Variants in IPO11 observed in about 807,000 individuals in gnomAD.
IPO11 encodes the protein importin 11.
IPO11 carries 66 observed loss-of-function variants against 143.2 expected under a neutral mutation model. The ratio of observed to expected loss-of-function variants is 0.46; its 90% CI spans 0.38 to 0.57. The LOEUF is 0.57. IPO11 is among the 20% of genes least tolerant of loss of function. The pLI, the probability that IPO11 is intolerant of heterozygous loss-of-function variation, is 0.00. For synonymous variants in IPO11, 385 were observed against 377.8 expected (o/e 1.02, Z -0.22); for missense variants, 1,026 against 1,141.0 (o/e 0.90, Z 1.45).
At chr5:62,571,397 A>T (rs940755819) in intron 27 of IPO11, among the ~76,000 whole-genome samples, 1 of 152,328 alleles carries the variant, frequency 6.6e-6, no homozygotes, top group African/African-American at 2.4e-5. Context: ...GCTTATTATG[A>T]TAAATTGGAG....
intron 14 of IPO11, among the ~76,000 whole-genome samples, 196 bp downstream of exon 14, chr5:62,489,545 G>A (rs963908681): frequency 1.8e-4 from 27 of 152,172 alleles, no homozygotes; most frequent in Admixed American, 1.1e-3. Flanking sequence ...GCTAAAGTAG[G>A]TGATGATCAC....
chr5:62,524,709 A>G (rs1742313145), intron 20 of IPO11, among the ~76,000 whole-genome samples: 2 of 152,192 alleles, frequency 1.3e-5, no homozygotes, highest in Admixed American at 1.3e-4. Flanking sequence ...TATACAGTGC[A>G]GTGACTGTAG....
At chr5:62,464,143 GTTTTTTTTTTTTT>G (rs34056674) in intron 5 of IPO11, among the ~76,000 whole-genome samples, 2 of 78,682 alleles carry the variant, frequency 2.5e-5, no homozygotes, top group Admixed American at 3.3e-4. Flanking sequence ...GTTTTTGGTG[GTTTTTTTTTTTTT>G]TTTTTTTTTT....
chr5:62,511,565 C>T (rs1197751490), intron 19 of IPO11, among the ~76,000 whole-genome samples: 1 of 152,160 alleles, frequency 6.6e-6, no homozygotes, highest in African/African-American at 2.4e-5. Flanking sequence ...GCATTCCCCA[C>T]TAACACTTCA....
Position 62,537,227 on chromosome 5 carries a change from TG to T in IPO11, c.2189del (p.Cys730SerfsTer8), listed in dbSNP as rs1256158682. Reference protein sequence around the residue: ...EFLQTYAVGLCQSFCELLKEI... With the variant: ...EFLQTYAVGLXQSFCELLKEI... Reference sequence around the variant, plus strand: ...ATTTCAGACATACGCAGTAGGTCTATGCCAGTCCTTTTGTGAACTTTTAAAG... The same window carrying T: ...ATTTCAGACATACGCAGTAGGTCTATCCAGTCCTTTTGTGAACTTTTAAAG... On this transcript the variant is annotated frameshift_variant, in exon 24 of 30. Transcript: ENST00000325324. LOFTEE classifies it high-confidence loss of function. 1 of 1,605,340 alleles carries T rather than the reference TG, an allele frequency of 6.2e-7. No homozygotes were observed. The highest frequency in any genetic ancestry group is 1.3e-5 in the African/African-American group (1 of 74,736).
intron 16 of IPO11, among the ~76,000 whole-genome samples, chr5:62,502,557 C>T (rs1741381766): frequency 6.6e-6 from 1 of 152,164 alleles, no homozygotes. Context: ...TGCAGTCAAA[C>T]TGGAATGCAG....
chr5:62,449,257 A>T (rs1326593245), intron 3 of IPO11, among the ~76,000 whole-genome samples: 2 of 152,242 alleles, frequency 1.3e-5, no homozygotes, highest in African/African-American at 2.4e-5. Flanking sequence ...ATACAGTCTT[A>T]TACAGTAGTG....
At position 62,628,104 on chromosome 5, in the gene IPO11, C is replaced by T. The variant is rs1388922912; in HGVS notation, c.*786C>T. ...GTGAGCACCGAGAAGAACTGGGCGA[C>T]TCCCAGTCCCACCTGTGCTGTGACA... On this transcript the variant is annotated 3_prime_UTR_variant, in exon 30 of 30. Coordinates refer to ENST00000325324, the MANE Select transcript of IPO11 (RefSeq NM_016338.5). The T allele has an allele frequency of 2.6e-5, 4 of 152,028 alleles. No individual in the cohort carries two copies. The East Asian group carries it at 5.8e-4, about 22-fold the overall frequency. 9.4% of individuals were successfully genotyped at this position (152,028 alleles called of 1,614,324 possible). A position where few individuals can be genotyped will look rare whatever the true frequency, so the allele number is the denominator to read the frequency against.
intron 26 of IPO11, among the ~76,000 whole-genome samples, chr5:62,558,660 T>TA (rs769932697): frequency 1.3e-4 from 20 of 152,170 alleles, no homozygotes; most frequent in Non-Finnish European, 2.5e-4. Flanking sequence ...GTGTTTGAAA[T>TA]AAAAAACGCA....
intron 15 of IPO11, among the ~76,000 whole-genome samples, chr5:62,492,108 G>A (rs1746636203): frequency 6.6e-6 from 1 of 152,136 alleles, no homozygotes; most frequent in Admixed American, 6.5e-5. Flanking sequence ...TGACTTAGTA[G>A]GTCTGGGAAA....
At chr5:62,507,101 A>G (rs556823885) in intron 19 of IPO11, among the ~76,000 whole-genome samples, 1 of 152,322 alleles carries the variant, frequency 6.6e-6, no homozygotes, top group South Asian at 2.1e-4. Context: ...ATACTGACAT[A>G]TGTGCTACAT....
intron 29 of IPO11, among the ~76,000 whole-genome samples, chr5:62,619,987 A>G (rs765112461): frequency 6.6e-6 from 1 of 152,232 alleles, no homozygotes; most frequent in Non-Finnish European, 1.5e-5. Context: ...CAGGAAAAAC[A>G]CAAGAGAGGC....
intron 19 of IPO11, among the ~76,000 whole-genome samples, chr5:62,507,242 C>A (rs946872139): frequency 6.6e-6 from 1 of 152,202 alleles, no homozygotes; most frequent in African/African-American, 2.4e-5. Context: ...ACTGCCAGTA[C>A]TTTAAGCATA....
At chr5:62,585,554 G>A (rs1448501480) in intron 27 of IPO11, among the ~76,000 whole-genome samples, 1 of 152,166 alleles carries the variant, frequency 6.6e-6, no homozygotes, top group South Asian at 2.1e-4. Flanking sequence ...GTCATATATA[G>A]GGCTGAGTAA....
intron 2 of IPO11, among the ~76,000 whole-genome samples, chr5:62,437,678 A>G (rs1354338976): frequency 6.6e-6 from 1 of 152,164 alleles, no homozygotes; most frequent in East Asian, 1.9e-4. Flanking sequence ...TAGTACGTTA[A>G]AAGTGTCTAC....
At chr5:62,579,639 G>T in intron 27 of IPO11, 1 of 1,549,600 alleles carries the variant, frequency 6.5e-7, no homozygotes, top group South Asian at 1.2e-5. Flanking sequence ...TTCTGTATCT[G>T]ACTGGGAATA....
At chr5:62,574,074 G>C (rs1047300217) in intron 27 of IPO11, among the ~76,000 whole-genome samples, 26 of 152,238 alleles carry the variant, frequency 1.7e-4, no homozygotes, top group African/African-American at 6.3e-4. Context: ...TGTTATATAA[G>C]TATTATCCTC....
chr5:62,612,241 A>C (rs1255428519), intron 29 of IPO11, among the ~76,000 whole-genome samples: 1 of 152,206 alleles, frequency 6.6e-6, no homozygotes, highest in Non-Finnish European at 1.5e-5. Context: ...ATGTTAAAAA[A>C]ATCATTCAAA....
intron 3 of IPO11, among the ~76,000 whole-genome samples, chr5:62,444,065 T>G (rs1183687702): frequency 6.6e-6 from 1 of 152,122 alleles, no homozygotes; most frequent in East Asian, 1.9e-4. Context: ...CTTGGGATAC[T>G]ATATTACGGT....
Sources: gnomAD v4.1 joint callset for allele counts (sites outside exome capture counted in the v4.1 genomes callset) on GRCh38, gnomAD v4.1.1 for gene constraint, MANE v1.5 for transcripts, NCBI Gene and HGNC (gene_info 2026-07-23, HGNC 2026-07-21) for gene names.